Variants in MREG observed in about 807,000 individuals in gnomAD.
MREG encodes the protein dilute suppressor protein homolog.
A neutral mutation model predicts 28.5 loss-of-function variants in MREG; 31 were observed. The ratio of observed to expected loss-of-function variants is 1.09; its 90% CI spans 0.82 to 1.47. The LOEUF (loss-of-function observed/expected upper bound fraction) is 1.47. Ranked by LOEUF, MREG falls within the 40% of genes most tolerant of loss-of-function variation. MREG has a pLI of 0.00. For synonymous variants in MREG, 106 were observed against 95.2 expected (o/e 1.11, Z -0.66); for missense variants, 256 against 257.4 (o/e 0.99, Z 0.04).
intron 2 of MREG, among the ~76,000 whole-genome samples, chr2:215,964,586 T>C (rs1293258968): frequency 6.6e-6 from 1 of 152,176 alleles, no homozygotes; most frequent in East Asian, 1.9e-4. Flanking sequence ...ATCCACCCTA[T>C]AATAACCAAA....
At chr2:215,953,527 A>G (rs1692540271) in intron 2 of MREG, among the ~76,000 whole-genome samples, 1 of 152,234 alleles carries the variant, frequency 6.6e-6, no homozygotes, top group South Asian at 2.1e-4. Context: ...CTTCTGGAGC[A>G]ATCAGGAATG....
At chr2:215,947,853 T>C (rs559314131) in intron 2 of MREG, among the ~76,000 whole-genome samples, 1 of 152,252 alleles carries the variant, frequency 6.6e-6, no homozygotes, top group Admixed American at 6.5e-5. Flanking sequence ...GAGGCCATCA[T>C]GTTGTTCCAA....
intron 2 of MREG, among the ~76,000 whole-genome samples, chr2:215,980,604 C>G (rs1693399010): frequency 6.6e-6 from 1 of 152,128 alleles, no homozygotes; most frequent in Admixed American, 6.6e-5. Context: ...AAGCTGTCAG[C>G]TATTTTTTTA....
exon 1 of MREG, chr2:216,032,820 T>C (rs1694730324): frequency 6.6e-6 from 1 of 152,240 alleles, no homozygotes; most frequent in Admixed American, 6.5e-5. Context: ...ATCTTCCTGC[T>C]GGTTGGTCTT....
intron 1 of MREG, among the ~76,000 whole-genome samples, chr2:216,009,344 A>C (rs1205178362): frequency 7.8e-6 from 1 of 128,102 alleles, no homozygotes; most frequent in Admixed American, 8.0e-5. Context: ...ACAAAAATGC[A>C]AAAAAAAAAA....
chr2:216,019,266 G>C (rs1694487896), intron 1 of MREG, among the ~76,000 whole-genome samples: 1 of 152,118 alleles, frequency 6.6e-6, no homozygotes, highest in Admixed American at 6.5e-5. Flanking sequence ...CCCCTGAACT[G>C]GGTTAAGAGG....
chr2:216,019,145 C>T (rs563307810), intron 1 of MREG, among the ~76,000 whole-genome samples: 6 of 152,320 alleles, frequency 3.9e-5, no homozygotes, highest in African/African-American at 9.6e-5. Context: ...GTACTCCCAT[C>T]ATTCTATGGG....
intron 1 of MREG, 111 bp from the exon 2 acceptor site, chr2:215,996,576 A>T (rs879160848): frequency 1.3e-6 from 1 of 746,486 alleles, no homozygotes; most frequent in Non-Finnish European, 2.1e-6. Context: ...GTAATATATA[A>T]ATATATTGTC....
At chr2:216,018,556 C>T (rs986668426) in intron 1 of MREG, among the ~76,000 whole-genome samples, 6 of 152,204 alleles carry the variant, frequency 3.9e-5, no homozygotes, top group Admixed American at 1.3e-4. Flanking sequence ...CAGAGAAAAA[C>T]GAACAAGTAG....
At chr2:215,979,852 C>A (rs1490384382) in intron 2 of MREG, among the ~76,000 whole-genome samples, 1 of 151,378 alleles carries the variant, frequency 6.6e-6, no homozygotes, top group Non-Finnish European at 1.5e-5. Flanking sequence ...GGTATTAACC[C>A]CTGGTGTTTC....
At chr2:215,962,622 T>G (rs897037308) in intron 2 of MREG, among the ~76,000 whole-genome samples, 3 of 152,154 alleles carry the variant, frequency 2.0e-5, no homozygotes, top group African/African-American at 7.2e-5. Flanking sequence ...CATGTACCAT[T>G]GAGAAAGGCC....
chr2:215,966,852 G>A lies in MREG; in HGVS notation c.256-19739C>T, dbSNP rs576554573. On this transcript the variant is annotated intron_variant, in intron 2 of 4. Coordinates refer to ENST00000263268, the MANE Select transcript of MREG (RefSeq NM_018000.3). ...CCTGACCTCGTGATCCTACCACCTT[G>A]GCCTCCCAAAATGCTGGGATTACAG... Among the ~76,000 whole-genome samples the A allele has an allele frequency of 1.8e-4, 27 of 152,118 alleles. No homozygotes were observed. The South Asian group carries it at 3.5e-3, about 20-fold the overall frequency.
At position 215,960,812 on chromosome 2, in the gene MREG, C is replaced by T. The variant is rs552858959; in HGVS notation, c.256-13699G>A. ...TCGGGCCACTGCACTCCAGCCTGGG[C>T]GACAGGGCGAGACTCCATCACAAAA... On this transcript the variant is annotated intron_variant, in intron 2 of 4. Coordinates refer to ENST00000263268, the MANE Select transcript of MREG (RefSeq NM_018000.3). 1.3e-3 allele frequency among the ~76,000 whole-genome samples: 197 copies of T among 151,738 alleles called. 1 individual carries two copies. The highest frequency in any genetic ancestry group is 4.4e-3 in the African/African-American group (181 of 41,344).
At position 215,947,068 on chromosome 2, in the gene MREG, G is replaced by A. The variant is rs760611063; in HGVS notation, c.301C>T (p.Arg101Ter). 1.2e-5 allele frequency: 19 copies of A among 1,612,842 alleles called. No individual in the cohort carries two copies. Among genetic ancestry groups the A allele is most frequent in the African/African-American group, 5.3e-5 (4 of 74,940 alleles). ...NYDIHTLRQV[R>*]REVRNRWKCI... is the part of the protein sequence containing the mutation. Reference sequence around the variant, plus strand: ...TTCCATCTGTTTCTTACTTCCCTTCGAACCTGCCGCAGGGTATGGATATCA... The same window carrying A: ...TTCCATCTGTTTCTTACTTCCCTTCAAACCTGCCGCAGGGTATGGATATCA... Residue 101 changes from arginine to a stop codon, truncating the protein, a stop_gained, in exon 3 of 5, where the codon CGA becomes TGA. Transcript: ENST00000263268. LOFTEE classifies it high-confidence loss of function.
intron 1 of MREG, among the ~76,000 whole-genome samples, chr2:216,019,839 C>T (rs994107604): frequency 4.6e-5 from 7 of 152,062 alleles, no homozygotes; most frequent in Non-Finnish European, 8.8e-5. Context: ...TTTGTTGGTT[C>T]CCTCCCTTCC....
intron 1 of MREG, among the ~76,000 whole-genome samples, chr2:216,029,468 T>TC (rs5838566): frequency 0.64 from 97,819 of 151,996 alleles, 31,708 homozygotes; most frequent in Admixed American, 0.7. Flanking sequence ...AGAGTGAGAC[T>TC]CCATCTCAAA....
intron 2 of MREG, among the ~76,000 whole-genome samples, chr2:215,951,307 C>T (rs1692477847): frequency 6.6e-6 from 1 of 152,100 alleles, no homozygotes; most frequent in African/African-American, 2.4e-5. Context: ...TCCGCTACTC[C>T]CTGGCGTTAG....
At chr2:216,003,380 C>T (rs1037247162) in intron 1 of MREG, among the ~76,000 whole-genome samples, 2 of 152,216 alleles carry the variant, frequency 1.3e-5, no homozygotes, top group Admixed American at 1.3e-4. Flanking sequence ...TTTCAAGGCT[C>T]GAAGACGGTC....
intron 2 of MREG, among the ~76,000 whole-genome samples, chr2:215,952,955 C>T (rs1176150310): frequency 2.6e-5 from 4 of 152,172 alleles, no homozygotes; most frequent in East Asian, 1.9e-4. Context: ...TCTGTGCACA[C>T]GTGTGCTCTC....
Sources: allele counts gnomAD v4.1 joint callset (sites outside exome capture counted in the v4.1 genomes callset), GRCh38; gene constraint gnomAD v4.1.1; transcripts MANE v1.5; gene names NCBI Gene and HGNC (gene_info 2026-07-23, HGNC 2026-07-21).